SEC14L5: variants seen among roughly 807,000 people sequenced by gnomAD.
The protein encoded by SEC14L5 is SEC14-like protein 5.
A neutral mutation model predicts 84.6 loss-of-function variants in SEC14L5; 96 were observed. The observed-to-expected ratio is 1.13, with a 90% CI of 0.96 to 1.34. The LOEUF (loss-of-function observed/expected upper bound fraction) is 1.34, where lower values mean the gene tolerates loss of function less well. SEC14L5 is among the 40% of genes most tolerant of loss of function. The pLI is 0.00. For synonymous variants in SEC14L5, 546 were observed against 383.4 expected, an observed-to-expected ratio of 1.42 and a Z score of -4.95; for missense variants, 1,224 against 942.5, an observed-to-expected ratio of 1.30 and a Z score of -3.91.
In SEC14L5 at chr16:4,978,691, C is replaced by T. The variant is rs1215099706; in HGVS notation, c.64-8866C>T. On this transcript the variant is annotated intron_variant, in intron 2 of 15. Coordinates refer to ENST00000251170, the MANE Select transcript of SEC14L5 (RefSeq NM_014692.2). ...AATCTGGGCTCACTGCAAGCTCCGC[C>T]TCCTGGGTTCAGGCCATTTTCCTGC... 3.3e-5 allele frequency among the ~76,000 whole-genome samples: 5 copies of T among 152,062 alleles called. No individual in the cohort carries two copies. In the East Asian group the frequency reaches 9.7e-4, roughly 30 times the overall value.
chr16:4,970,686 A>G (rs1955264420), intron 2 of SEC14L5, among the ~76,000 whole-genome samples: 1 of 152,034 alleles, frequency 6.6e-6, no homozygotes, highest in Non-Finnish European at 1.5e-5. Context: ...TTGTGCACAC[A>G]TGGGTGGCAC....
At chr16:4,969,447 C>T (rs1315916292) in intron 2 of SEC14L5, among the ~76,000 whole-genome samples, 2 of 151,624 alleles carry the variant, frequency 1.3e-5, no homozygotes, top group African/African-American at 4.9e-5. Context: ...TGCAATGGTG[C>T]CATCTCGCGC....
chr16:4,971,668 T>G (rs1955282022), intron 2 of SEC14L5, among the ~76,000 whole-genome samples: 1 of 152,186 alleles, frequency 6.6e-6, no homozygotes, highest in South Asian at 2.1e-4. Flanking sequence ...GCGCACCTGC[T>G]GATGTCCCCT....
chr16:5,006,857 T>G (rs1035638508), intron 12 of SEC14L5, among the ~76,000 whole-genome samples: 2 of 151,898 alleles, frequency 1.3e-5, no homozygotes, highest in African/African-American at 2.4e-5. Context: ...TAATCATTGT[T>G]TGGTGGTGGC....
chr16:4,995,624 CTT>C (rs36027978), intron 6 of SEC14L5, among the ~76,000 whole-genome samples: 36 of 128,514 alleles, frequency 2.8e-4, no homozygotes, highest in East Asian at 4.3e-4. Flanking sequence ...CTCTCTCTCT[CTT>C]TTTTTTTTTT....
At chr16:5,000,800 T>A in intron 9 of SEC14L5, 55 bp from the exon 10 acceptor site, 1 of 1,566,774 alleles carries the variant, frequency 6.4e-7, no homozygotes. Flanking sequence ...TGGGAAGGAC[T>A]GTGTGGGGTA....
chr16:5,014,868 G>A lies in SEC14L5; in HGVS notation c.1989G>A (p.Met663Ile). 1 of 1,613,718 alleles carries A rather than the reference G, an allele frequency of 6.2e-7. No individual in the cohort carries two copies. Among genetic ancestry groups the A allele is most frequent in the Non-Finnish European group, 8.5e-7 (1 of 1,179,794 alleles). Residue 663 changes from methionine (M) to isoleucine (I), a missense_variant, in exon 16 of 16, where the codon ATG becomes ATA. Physicochemically the swap from Met to Ile is conservative, Grantham distance 10. Coordinates refer to ENST00000251170, the MANE Select transcript of SEC14L5 (RefSeq NM_014692.2). ...VLASEDFRGS[M>I]SSLESCTSGF... ...CGCCCTTCCTCCCCAGGGGCTCCAT[G>A]TCCAGCCTGGAATCCTGCACCAGCG... is the stretch of plus-strand genomic sequence containing the variant.
At chr16:5,003,618 G>GCCCC in intron 11 of SEC14L5, 45 bp downstream of exon 11, 3 of 414,164 alleles carry the variant, frequency 7.2e-6, no homozygotes, top group South Asian at 2.1e-5. Context: ...GGGGTGGGTG[G>GCCCC]GATGGGAGGG....
At chr16:4,979,070 C>T (rs1955386918) in intron 2 of SEC14L5, among the ~76,000 whole-genome samples, 1 of 152,182 alleles carries the variant, frequency 6.6e-6, no homozygotes, top group African/African-American at 2.4e-5. Context: ...AGGGGATCTT[C>T]AGGCAAAGAG....
At chr16:4,993,215 A>C (rs1390674952) in intron 6 of SEC14L5, among the ~76,000 whole-genome samples, 3 of 151,792 alleles carry the variant, frequency 2.0e-5, no homozygotes, top group African/African-American at 4.8e-5. Context: ...TAGATAATTT[A>C]TTTTTACTTT....
intron 2 of SEC14L5, among the ~76,000 whole-genome samples, chr16:4,970,152 C>G (rs1335794604): frequency 6.6e-6 from 1 of 152,046 alleles, no homozygotes; most frequent in Non-Finnish European, 1.5e-5. Context: ...TTATCGAGCC[C>G]TCAGCATAGT....
chr16:4,995,294 G>GT (rs1196979745), intron 6 of SEC14L5, among the ~76,000 whole-genome samples: 2 of 152,228 alleles, frequency 1.3e-5, no homozygotes, highest in African/African-American at 4.8e-5. Flanking sequence ...ATGGCTAAGA[G>GT]TGGGGGAACA....
intron 4 of SEC14L5, 30 bp downstream of exon 4, chr16:4,988,310 C>A: frequency 2.5e-6 from 4 of 1,609,468 alleles, no homozygotes; most frequent in Non-Finnish European, 3.4e-6. Flanking sequence ...AGCGCCCACG[C>A]CCGGCACCCA....
At position 4,984,175 on chromosome 16, in the gene SEC14L5, A is replaced by G. The variant is rs7203675; in HGVS notation, c.64-3382A>G. Among the ~76,000 whole-genome samples the G allele has an allele frequency of 3.3e-3, 498 of 152,180 alleles. 2 individuals are homozygous for G. Among genetic ancestry groups the G allele is most frequent in the Non-Finnish European group, 5.2e-3 (356 of 68,008 alleles). ...TGTCTGCCTTAACCCTCATCCCTCA[A>G]CACCCCCACCATCTCTTTCCTCACC... On this transcript the variant is annotated intron_variant, in intron 2 of 15. Coordinates refer to ENST00000251170, the MANE Select transcript of SEC14L5 (RefSeq NM_014692.2).
At chr16:4,970,712 C>T (rs1955264933) in intron 2 of SEC14L5, among the ~76,000 whole-genome samples, 1 of 152,206 alleles carries the variant, frequency 6.6e-6, no homozygotes, top group Non-Finnish European at 1.5e-5. Flanking sequence ...GTCGTTCTCC[C>T]AGTGCCGGAG....
chr16:4,985,588 T>C (rs1209129830), intron 2 of SEC14L5, among the ~76,000 whole-genome samples: 1 of 152,114 alleles, frequency 6.6e-6, no homozygotes, highest in Non-Finnish European at 1.5e-5. Context: ...CTGAAGAGAT[T>C]ATTCTTTTCT....
rs1455111173 is a variant in SEC14L5 at position 5,003,482 on chromosome 16, T to C, written c.1211T>C (p.Met404Thr). Residue 404 changes from methionine (M) to threonine (T), a missense_variant, in exon 11 of 16, where the codon ATG becomes ACG. Physicochemically the swap from Met to Thr is moderately conservative, Grantham distance 81 (BLOSUM62 -1). Transcript: ENST00000251170. Reference protein sequence around the residue: ...WRPGVKALLRMIEVVEDNYPE... With the variant: ...WRPGVKALLRTIEVVEDNYPE... ...CCGGGGGTGAAGGCCCTGCTGCGGATGATTGAGGTGGTTGAGGACAATTAC... is the reference window on the plus strand; with the variant it reads ...CCGGGGGTGAAGGCCCTGCTGCGGACGATTGAGGTGGTTGAGGACAATTAC... 20 of 1,613,116 alleles carry C rather than the reference T, an allele frequency of 1.2e-5. No homozygotes were observed. The highest frequency in any genetic ancestry group is 1.6e-5 in the Non-Finnish European group (19 of 1,179,532).
intron 2 of SEC14L5, among the ~76,000 whole-genome samples, chr16:4,981,773 C>T (rs181694463): frequency 1.8e-4 from 28 of 152,304 alleles, no homozygotes; most frequent in Admixed American, 1.7e-3. Context: ...GACATATACG[C>T]ACTTTCCAAA....
intron 2 of SEC14L5, among the ~76,000 whole-genome samples, chr16:4,975,511 T>C (rs1432459337): frequency 6.6e-6 from 1 of 151,896 alleles, no homozygotes; most frequent in Non-Finnish European, 1.5e-5. Context: ...TTTGTTCCTT[T>C]TTATGGCTGA....
Sources: gnomAD v4.1 joint callset for allele counts (sites outside exome capture counted in the v4.1 genomes callset) on GRCh38, gnomAD v4.1.1 for gene constraint, MANE v1.5 for transcripts, NCBI Gene and HGNC (gene_info 2026-07-23, HGNC 2026-07-21) for gene names.